The following SCAF11 variants were observed in gnomAD, a reference collection of about 807,000 sequenced individuals.
SCAF11 encodes the protein protein SCAF11.
Under a neutral mutation model 140.5 loss-of-function variants are expected in SCAF11, and 47 were observed. The ratio of observed to expected loss-of-function variants is 0.33; its 90% CI spans 0.26 to 0.43. The LOEUF (loss-of-function observed/expected upper bound fraction) is 0.43. Among genes scored for constraint, SCAF11 ranks in the 20% least tolerant of loss-of-function variants. The probability of loss-of-function intolerance (pLI) is 1.00; values close to 1 mark genes in which losing one functional copy is unlikely to be tolerated. For synonymous variants in SCAF11, 557 were observed against 579.4 expected, an observed-to-expected ratio of 0.96 and a Z score of 0.55; for missense variants, 1,645 against 1,705.1, an observed-to-expected ratio of 0.96 and a Z score of 0.62.
intron 6 of SCAF11, among the ~76,000 whole-genome samples, chr12:45,938,842 A>G (rs1382305942): frequency 6.7e-6 from 1 of 149,808 alleles, no homozygotes; most frequent in African/African-American, 2.5e-5. Flanking sequence ...ATGTACTTAA[A>G]GAAGTACTAC....
In SCAF11 at chr12:45,926,549, C is replaced by A. The variant is rs759460372; in HGVS notation, c.3152G>T (p.Arg1051Ile). ...KLKESHWEEN[R>I]NENSGNSWNK... ...CCAAGAATTTCCTGAATTTTCATTT[C>A]TATTTTCTTCCCAATGAGACTCTTT... is the stretch of plus-strand genomic sequence containing the variant. The change falls in exon 11 of 15, where the codon AGA becomes ATA. Residue 1051 changes from arginine to isoleucine, a missense_variant. Around this residue, in one of 2 missense-constraint regions of SCAF11, gnomAD observed 1,582 missense variants for 1,609.2 expected, o/e 0.98. Transcript: ENST00000369367. 2.5e-6 allele frequency: 4 copies of A among 1,613,084 alleles called. No individual in the cohort carries two copies. Among genetic ancestry groups the A allele is most frequent in the Non-Finnish European group, 3.4e-6 (4 of 1,179,808 alleles).
intron 1 of SCAF11, among the ~76,000 whole-genome samples, chr12:45,980,931 G>A (rs1016818800): frequency 2.0e-5 from 3 of 152,128 alleles, no homozygotes; most frequent in African/African-American, 7.2e-5. Flanking sequence ...TAAGATACTA[G>A]TTATCAATGT....
intron 7 of SCAF11, 29 bp from the exon 8 acceptor site, chr12:45,934,314 C>G: frequency 6.7e-7 from 1 of 1,484,466 alleles, no homozygotes; most frequent in Non-Finnish European, 9.3e-7. Flanking sequence ...GTTAGTGAAA[C>G]AGCAAATAAA....
intron 3 of SCAF11, among the ~76,000 whole-genome samples, chr12:45,952,955 T>C (rs1945586689): frequency 1.3e-5 from 2 of 152,356 alleles, no homozygotes; most frequent in Admixed American, 6.5e-5. Context: ...GTAGAGCAGA[T>C]TGTGTATGGT....
At chr12:45,945,426 G>A in intron 5 of SCAF11, 113 bp from the exon 6 acceptor site, 3 of 644,022 alleles carry the variant, frequency 4.7e-6, no homozygotes, top group Non-Finnish European at 8.1e-6. Context: ...ACTGATTTTG[G>A]TAACTATGCT....
chr12:45,958,471 G>A (rs549413882), intron 3 of SCAF11, among the ~76,000 whole-genome samples: 1 of 152,244 alleles, frequency 6.6e-6, no homozygotes, highest in Admixed American at 6.5e-5. Flanking sequence ...CAGTTCAAAT[G>A]TCTTTGATTA....
intron 2 of SCAF11, among the ~76,000 whole-genome samples, chr12:45,962,641 G>A (rs1241709603): frequency 6.6e-6 from 1 of 152,148 alleles, no homozygotes; most frequent in Non-Finnish European, 1.5e-5. Context: ...GCTGAAATGT[G>A]AACAGTAATA....
intron 9 of SCAF11, among the ~76,000 whole-genome samples, chr12:45,932,345 T>C (rs546580634): frequency 6.8e-6 from 1 of 147,616 alleles, no homozygotes; most frequent in Non-Finnish European, 1.5e-5. Flanking sequence ...AAAGACTATC[T>C]GATTCAATAT....
At chr12:45,932,029 C>T (rs1945056500) in intron 9 of SCAF11, among the ~76,000 whole-genome samples, 1 of 151,812 alleles carries the variant, frequency 6.6e-6, no homozygotes, top group Admixed American at 6.6e-5. Context: ...AACTTTTTAC[C>T]AAAGTGTGTG....
intron 3 of SCAF11, chr12:45,961,178 C>CT (rs1363210883): frequency 3.4e-6 from 2 of 591,302 alleles, no homozygotes; most frequent in Admixed American, 3.0e-5. Context: ...ACTTCTGCCT[C>CT]TTAAACTATG....
chr12:45,924,869 C>T lies in SCAF11; in HGVS notation c.3765G>A (p.Leu1255=). The T allele has an allele frequency of 1.9e-6, 3 of 1,613,958 alleles. No homozygotes were observed. The highest frequency in any genetic ancestry group is 2.5e-6 in the Non-Finnish European group (3 of 1,180,002). ...TGAGGGGCACTCCTGTGTGGAGATG[C>T]AAGGGTAGCTGAGGATGAATGTTAA... ...NPFNIHPQLP[L]HLHTGVPLMQ... is the part of the protein sequence containing the mutation. The change falls in exon 12 of 15, where the codon TTG becomes TTA. Residue 1255 remains leucine, a synonymous_variant. Coordinates refer to ENST00000369367, the MANE Select transcript of SCAF11 (RefSeq NM_004719.3).
At chr12:45,986,661 T>C (rs1480017633) in intron 1 of SCAF11, among the ~76,000 whole-genome samples, 1 of 152,232 alleles carries the variant, frequency 6.6e-6, no homozygotes, top group Non-Finnish European at 1.5e-5. Flanking sequence ...AAATCTCTCT[T>C]GAATTGTATT....
At chr12:45,965,851 T>C (rs1343410357) in intron 1 of SCAF11, among the ~76,000 whole-genome samples, 1 of 152,166 alleles carries the variant, frequency 6.6e-6, no homozygotes, top group Admixed American at 6.5e-5. Flanking sequence ...TAAGGAGAAA[T>C]ACAAAGTCCC....
chr12:45,927,929 T>C lies in SCAF11; in HGVS notation c.1772A>G (p.Glu591Gly). The change falls in exon 11 of 15, where the codon GAA (glutamate) becomes GGA (glycine). Residue 591 changes from glutamate (E) to glycine (G), a missense_variant. Glu to Gly is a moderately conservative substitution (Grantham distance 98). This residue lies in a region of SCAF11 where 1,582 missense variants were observed against 1,609.2 expected (regional missense o/e 0.98). Transcript: ENST00000369367. ...TGTAAAATCTTTATGTTCAGTAATT[T>C]CTACTAGGGAACTCTCTGTTATTTT... The part of the protein sequence containing the change: ...EEKITESSLV[E>G]ITEHKDFTLK... The C allele has an allele frequency of 6.2e-7, 1 of 1,613,000 alleles. No individual in the cohort carries two copies. Among genetic ancestry groups the C allele is most frequent in the Non-Finnish European group, 8.5e-7 (1 of 1,179,808 alleles).
intron 14 of SCAF11, 103 bp from the exon 15 acceptor site, chr12:45,922,297 T>TG: frequency 6.8e-7 from 1 of 1,464,242 alleles, no homozygotes. Flanking sequence ...TAACCAGACT[T>TG]ATTTTCATGT....
Position 45,928,305 on chromosome 12 carries a change from T to C in SCAF11, c.1396A>G (p.Thr466Ala). The C allele has an allele frequency of 6.2e-7, 1 of 1,614,046 alleles. No individual in the cohort carries two copies. Among genetic ancestry groups the C allele is most frequent in the Non-Finnish European group, 8.5e-7 (1 of 1,179,972 alleles). Residue 466 changes from threonine to alanine, a missense_variant, in exon 11 of 15, where the codon ACA becomes GCA. By Grantham distance (58) the Thr-to-Ala change is moderately conservative (BLOSUM62 0). Coordinates refer to ENST00000369367, the MANE Select transcript of SCAF11 (RefSeq NM_004719.3). ...ESEKHTANYDTEERVGSSSSE... is the reference protein window; with the variant it reads ...ESEKHTANYDAEERVGSSSSE... The stretch of plus-strand genomic sequence containing the variant: ...GATGAAGATCCTACTCTTTCCTCTG[T>C]ATCATAATTTGCAGTATGCTTCTCA...
rs759076242 is a variant in SCAF11 at position 45,924,753 on chromosome 12, G to A, written c.3881C>T (p.Ser1294Leu). Residue 1294 changes from serine to leucine, a missense_variant, in exon 12 of 15, where the codon TCA becomes TTA. Transcript: ENST00000369367. ...CTGCAATTGCTTTCCATCTGGTTGT[G>A]AAGCAATGTAGTTGACTTGTTGGGA... ...PPSQQVNYIA[S>L]QPDGKQLQGI... The A allele has an allele frequency of 6.5e-7, 1 of 1,536,460 alleles. No individual in the cohort carries two copies. Among genetic ancestry groups the A allele is most frequent in the South Asian group, 1.1e-5 (1 of 89,504 alleles).
Position 45,926,205 on chromosome 12 carries a change from CTCG to C in SCAF11, c.3493_3495del (p.Arg1165del). 6.2e-7 allele frequency: 1 copy of C among 1,614,156 alleles called. No homozygotes were observed. Among genetic ancestry groups the C allele is most frequent in the South Asian group, 1.1e-5 (1 of 91,082 alleles). On this transcript the variant is annotated inframe_deletion, in exon 11 of 15. Coordinates refer to ENST00000369367, the MANE Select transcript of SCAF11 (RefSeq NM_004719.3). ...GACTGTGGACCTGAAGAATTTCTGCCTCGTCGTGAGTAGTAGTTTTGTACATCT... is the reference window on the plus strand; with the variant it reads ...GACTGTGGACCTGAAGAATTTCTGCCTCGTGAGTAGTAGTTTTGTACATCT...
intron 3 of SCAF11, chr12:45,961,053 G>A: frequency 2.7e-6 from 1 of 364,336 alleles, no homozygotes. Context: ...TACATTAAAA[G>A]TCACGAATGT....
Sources: allele counts gnomAD v4.1 joint callset (sites outside exome capture counted in the v4.1 genomes callset), GRCh38; gene constraint gnomAD v4.1.1; regional missense constraint gnomAD v4.1.1; transcripts MANE v1.5; gene names NCBI Gene and HGNC (gene_info 2026-07-23, HGNC 2026-07-21).